LY75: variants seen among roughly 807,000 people sequenced by gnomAD.
LY75 encodes lymphocyte antigen 75.
A neutral mutation model predicts 231.7 loss-of-function variants in LY75; 185 were observed. That is an observed-to-expected ratio of 0.80 (90% CI 0.71 to 0.90). The LOEUF (loss-of-function observed/expected upper bound fraction) is 0.90. LY75 is among the 40% of genes least tolerant of loss of function. The probability of loss-of-function intolerance (pLI) is 0.00; values close to 1 mark genes in which losing one functional copy is unlikely to be tolerated. For missense variants in LY75, 1,947 were observed against 2,050.2 expected (o/e 0.95, Z 0.97); for synonymous variants, 668 against 689.0 (o/e 0.97, Z 0.48).
At chr2:159,879,481 G>T in intron 8 of LY75, 112 bp from the exon 9 acceptor site, 1 of 1,450,916 alleles carries the variant, frequency 6.9e-7, no homozygotes, top group Non-Finnish European at 9.3e-7. Flanking sequence ...GAATATAAGT[G>T]AATTATCAAA....
chr2:159,848,113 C>CACACACACACACACACACACACACACA (rs1188769706), intron 23 of LY75, among the ~76,000 whole-genome samples: 4 of 141,014 alleles, frequency 2.8e-5, no homozygotes, highest in South Asian at 2.2e-4. Context: ...CATACACACA[C>CACACACACACACACACACACACACACA]CATATATACG....
intron 16 of LY75, among the ~76,000 whole-genome samples, chr2:159,855,463 AGAT>A (rs1361127382): frequency 2.0e-5 from 3 of 152,222 alleles, no homozygotes; most frequent in Non-Finnish European, 4.4e-5. Context: ...CCTTTTGAGA[AGAT>A]GAGACAAAAC....
chr2:159,805,178 T>C lies in LY75; in HGVS notation c.5035A>G (p.Ile1679Val), dbSNP rs1317528466. ...AIAIIVATLS[I>V]LVLMGGLIWF... Reference sequence around the variant, plus strand: ...ATCAGTCCGCCCATGAGAACTAAGATACTTAGTGTGGCAACTATGATAGCT... The same window carrying C: ...ATCAGTCCGCCCATGAGAACTAAGACACTTAGTGTGGCAACTATGATAGCT... Residue 1679 changes from isoleucine to valine, a missense_variant, in exon 35 of 35, where the codon ATC (isoleucine) becomes GTC (valine). Physicochemically the swap from Ile to Val is conservative, Grantham distance 29. Transcript: ENST00000263636. 1 of 1,613,970 alleles carries C rather than the reference T, an allele frequency of 6.2e-7. No individual in the cohort carries two copies. The highest frequency in any genetic ancestry group is 8.5e-7 in the Non-Finnish European group (1 of 1,179,966).
chr2:159,891,648 G>GCA (rs1685761299), intron 3 of LY75, among the ~76,000 whole-genome samples: 1 of 152,080 alleles, frequency 6.6e-6, no homozygotes, highest in Non-Finnish European at 1.5e-5. Flanking sequence ...CAAAGCCCCA[G>GCA]CACACACACA....
intron 1 of LY75, among the ~76,000 whole-genome samples, chr2:159,901,329 T>C (rs1408105004): frequency 1.3e-5 from 2 of 152,190 alleles, no homozygotes; most frequent in Non-Finnish European, 2.9e-5. Flanking sequence ...GTATTCTCTC[T>C]TGCCTCTCCA....
intron 14 of LY75, among the ~76,000 whole-genome samples, chr2:159,862,738 T>C (rs1230129633): frequency 6.6e-6 from 1 of 152,192 alleles, no homozygotes; most frequent in Non-Finnish European, 1.5e-5. Context: ...TGTTTTGAAG[T>C]ATATATACAT....
chr2:159,887,588 AAAAG>A (rs1201842758), intron 4 of LY75, among the ~76,000 whole-genome samples: 14 of 151,220 alleles, frequency 9.3e-5, no homozygotes, highest in African/African-American at 2.7e-4. Flanking sequence ...AAAAAAAGAA[AAAAG>A]AAAGAAAGAT....
rs1361114519 is a variant in LY75, at chr2:159,808,021, C to T, written c.4822+428G>A. Reference sequence around the variant, plus strand: ...AATTTTAACCAGTGGTAAAAATATTCTTAGAGAGAAGGGAATAACAAGAAG... The same window carrying T: ...AATTTTAACCAGTGGTAAAAATATTTTTAGAGAGAAGGGAATAACAAGAAG... On this transcript the variant is annotated intron_variant, in intron 33 of 34. Transcript: ENST00000263636. The T allele has an allele frequency of 6.4e-6, 6 of 935,402 alleles. No individual in the cohort carries two copies. The Admixed American group carries it at 3.1e-4, about 48-fold the overall frequency. The allele number at this position is 935,402 out of a possible 1,614,324, so 57.9% of individuals were successfully genotyped here. A position where few individuals can be genotyped will look rare whatever the true frequency, so the allele number is the denominator to read the frequency against.
At chr2:159,837,229 G>A (rs2125844686) in intron 25 of LY75, among the ~76,000 whole-genome samples, 1 of 152,228 alleles carries the variant, frequency 6.6e-6, no homozygotes, top group Admixed American at 6.5e-5. Context: ...GCAAAGACAG[G>A]GAATCAATCT....
chr2:159,882,040 C>G, intron 7 of LY75, 84 bp downstream of exon 7: 1 of 1,481,788 alleles, frequency 6.7e-7, no homozygotes, highest in Non-Finnish European at 9.1e-7. Context: ...AAACTGTAAG[C>G]TTTTCATTCC....
In LY75 at chr2:159,898,692, A is replaced by G. The variant is rs1442144552; in HGVS notation, c.462T>C (p.Tyr154=). The G allele has an allele frequency of 6.2e-7, 1 of 1,611,284 alleles. No individual in the cohort carries two copies. Among genetic ancestry groups the G allele is most frequent in the African/African-American group, 1.3e-5 (1 of 74,894 alleles). ...GSEESLCDQP[Y]HEIYTRDGNS... Reference sequence around the variant, plus strand: ...AAGTCCCTCTCTAATACTCACCATGATAAGGCTGGTCACAAAGGCTTTCCT... The same window carrying G: ...AAGTCCCTCTCTAATACTCACCATGGTAAGGCTGGTCACAAAGGCTTTCCT... The change falls in exon 2 of 35, where the codon TAT becomes TAC. Residue 154 remains tyrosine (Y), a synonymous_variant. Coordinates refer to ENST00000263636, the MANE Select transcript of LY75 (RefSeq NM_002349.4).
At position 159,831,270 on chromosome 2, in the gene LY75, T is replaced by TG. The variant is rs1385636773; in HGVS notation, c.3958+399_3958+400insC. On this transcript the variant is annotated intron_variant, in intron 28 of 34. Coordinates refer to ENST00000263636, the MANE Select transcript of LY75 (RefSeq NM_002349.4). Reference sequence around the variant, plus strand: ...GTGTAGCACCTCCTCCTTCACTCTCTCTCCTGCTCCACCATAGTAAAACCT... The same window carrying TG: ...GTGTAGCACCTCCTCCTTCACTCTCTGCTCCTGCTCCACCATAGTAAAACCT... 2.0e-5 allele frequency among the ~76,000 whole-genome samples: 3 copies of TG among 152,148 alleles called. No individual in the cohort carries two copies. The East Asian group carries it at 5.8e-4, about 29-fold the overall frequency.
intron 31 of LY75, among the ~76,000 whole-genome samples, chr2:159,815,000 T>TTG: frequency 2.5e-5 from 1 of 39,350 alleles, no homozygotes; most frequent in East Asian, 9.6e-4. Context: ...AATACATCTT[T>TTG]TTTTTTTTTT....
Position 159,898,885 on chromosome 2 carries a change from T to C in LY75, c.269A>G (p.Lys90Arg). ...GAACATTCTCAGCTCATTTACCGAT[T>C]TGGTAATATCGAGGCCAAGGCACTT... ...SQKCLGLDIT[K>R]SVNELRMFSC... Residue 90 changes from lysine to arginine, a missense_variant, in exon 2 of 35, where the codon AAA becomes AGA. Transcript: ENST00000263636. 6.2e-7 allele frequency: 1 copy of C among 1,614,132 alleles called. No homozygotes were observed. The highest frequency in any genetic ancestry group is 8.5e-7 in the Non-Finnish European group (1 of 1,180,012).
chr2:159,886,353 T>G, intron 5 of LY75, 67 bp downstream of exon 5: 3 of 1,472,166 alleles, frequency 2.0e-6, no homozygotes, highest in African/African-American at 1.4e-5. Context: ...AAGCTATTGG[T>G]GAGTGAGAAG....
intron 23 of LY75, among the ~76,000 whole-genome samples, chr2:159,848,217 C>T (rs1272490653): frequency 1.3e-5 from 2 of 151,218 alleles, no homozygotes; most frequent in Non-Finnish European, 2.9e-5. Flanking sequence ...AGGAATACTA[C>T]TCAGCCATAA....
At chr2:159,891,826 T>A (rs1039911630) in intron 3 of LY75, among the ~76,000 whole-genome samples, 1 of 152,232 alleles carries the variant, frequency 6.6e-6, no homozygotes, top group Non-Finnish European at 1.5e-5. Context: ...GCCTTCTGCC[T>A]CTCACCTGAG....
At chr2:159,870,950 T>C (rs1238135126) in intron 13 of LY75, among the ~76,000 whole-genome samples, 1 of 152,142 alleles carries the variant, frequency 6.6e-6, no homozygotes, top group Non-Finnish European at 1.5e-5. Flanking sequence ...CTGCTTAATA[T>C]ATATAAACAT....
rs1012423063 is a variant in LY75, at chr2:159,894,080, G to A, written c.471C>T (p.Ile157=). The A allele has an allele frequency of 8.7e-6, 14 of 1,603,392 alleles. No individual in the cohort carries two copies. The African/African-American group carries it at 1.1e-4, about 12-fold the overall frequency. The part of the protein sequence containing the change: ...ESLCDQPYHE[I]YTRDGNSYGR... ...CATAAGAGTTCCCATCTCTGGTATA[G>A]ATCTCTGGGTTGGAGAGGAAGTTGG... The change falls in exon 3 of 35, where the codon ATC becomes ATT. Residue 157 remains isoleucine (I), a synonymous_variant. Coordinates refer to ENST00000263636, the MANE Select transcript of LY75 (RefSeq NM_002349.4).
Sources: gnomAD v4.1 joint callset for allele counts (sites outside exome capture counted in the v4.1 genomes callset) on GRCh38, gnomAD v4.1.1 for gene constraint, MANE v1.5 for transcripts, NCBI Gene and HGNC (gene_info 2026-07-23, HGNC 2026-07-21) for gene names.